CAMSAP3: variants seen among roughly 807,000 people sequenced by gnomAD.
The protein encoded by CAMSAP3 is calmodulin-regulated spectrin-associated protein 3.
A neutral mutation model predicts 112.5 loss-of-function variants in CAMSAP3; 34 were observed. That is an observed-to-expected ratio of 0.30 (90% CI 0.23 to 0.40). CAMSAP3 has a LOEUF of 0.40. CAMSAP3 is among the 10% of genes least tolerant of loss of function. CAMSAP3 has a pLI of 1.00. For synonymous variants in CAMSAP3, 868 were observed against 799.8 expected, an observed-to-expected ratio of 1.09 and a Z score of -1.44; for missense variants, 1,602 against 1,770.3, an observed-to-expected ratio of 0.90 and a Z score of 1.71.
chr19:7,608,656 C>T (rs1389042722), intron 5 of CAMSAP3, among the ~76,000 whole-genome samples: 22 of 133,848 alleles, frequency 1.6e-4, no homozygotes, highest in African/African-American at 4.2e-4. Context: ...TTTTTTGAGA[C>T]GGGAGTCTTG....
Position 7,611,735 on chromosome 19 carries a change from C to T in CAMSAP3, c.1242C>T (p.Asp414=). ...CATTCAGCACCCCCTTTGGCCTGGA[C>T]AGCGACGTGGATGTCGTCATGGGAG... ...AVSFSTPFGL[D]SDVDVVMGDP... is the part of the protein sequence containing the mutation. Residue 414 remains aspartate (D), a synonymous_variant, in exon 11 of 17, where the codon GAC becomes GAT. Coordinates refer to ENST00000160298, the MANE Select transcript of CAMSAP3 (RefSeq NM_020902.2). The surrounding 1 kb of genome is among the most constrained non-coding windows in gnomAD (Gnocchi z 6.9). The T allele has an allele frequency of 6.4e-7, 1 of 1,567,820 alleles. No homozygotes were observed.
chr19:7,598,732 A>G (rs1001013199), intron 1 of CAMSAP3, among the ~76,000 whole-genome samples: 3 of 151,776 alleles, frequency 2.0e-5, no homozygotes, highest in African/African-American at 7.3e-5. Flanking sequence ...GGTTGCAGTG[A>G]GCCGAGATTG....
Position 7,612,342 on chromosome 19 carries a change from C to T in CAMSAP3, c.1849C>T (p.Gln617Ter). Residue 617 changes from glutamine to a stop codon, truncating the protein, a stop_gained, in exon 11 of 17, where the codon CAG becomes TAG. Transcript: ENST00000160298. LOFTEE classifies it high-confidence loss of function. Reference protein sequence around the residue: ...LEEKRRAIEAQKRRIEAIFAK... With the variant: ...LEEKRRAIEA Reference sequence around the variant, plus strand: ...GGAGAAACGCAGAGCCATCGAGGCTCAGAAGCGACGGATTGAGGCCATATT... The same window carrying T: ...GGAGAAACGCAGAGCCATCGAGGCTTAGAAGCGACGGATTGAGGCCATATT... 6.2e-7 allele frequency: 1 copy of T among 1,604,184 alleles called. No individual in the cohort carries two copies. The highest frequency in any genetic ancestry group is 8.5e-7 in the Non-Finnish European group (1 of 1,177,844).
Position 7,618,290 on chromosome 19 carries a change from ATAATT to A in CAMSAP3, c.*237_*241del, listed in dbSNP as rs1292565591. On this transcript the variant is annotated 3_prime_UTR_variant, in exon 17 of 17. Transcript: ENST00000160298. ...TGTCCTCCCCCACTTCTTGAATAAA[ATAATT>A]TAAAGAGAAGTTGAACCTTGTCCCC... The A allele has an allele frequency of 2.0e-5, 11 of 543,782 alleles. No homozygotes were observed. Among genetic ancestry groups the A allele is most frequent in the African/African-American group, 3.8e-5 (2 of 52,988 alleles). The allele number at this position is 543,782 out of a possible 1,614,324, so 33.7% of individuals were successfully genotyped here. A position where few individuals can be genotyped will look rare whatever the true frequency, so the allele number is the denominator to read the frequency against.
At chr19:7,597,293 G>C (rs1346074558) in intron 1 of CAMSAP3, among the ~76,000 whole-genome samples, 1 of 152,084 alleles carries the variant, frequency 6.6e-6, no homozygotes, top group Admixed American at 6.6e-5. Context: ...TTCCATGCAT[G>C]CATTTCCCAC....
intron 5 of CAMSAP3, among the ~76,000 whole-genome samples, chr19:7,609,112 G>A (rs948419719): frequency 6.6e-6 from 1 of 151,420 alleles, no homozygotes; most frequent in African/African-American, 2.4e-5. Flanking sequence ...ACGAGGTCAC[G>A]AGTTCAAGAC....
At position 7,610,872 on chromosome 19, in the gene CAMSAP3, T is replaced by C; in HGVS notation, c.995-5T>C. On this transcript the variant is annotated splice_region_variant and splice_polypyrimidine_tract_variant and intron_variant, in intron 7 of 16. Transcript: ENST00000160298. The surrounding 1 kb of genome is among the most constrained non-coding windows in gnomAD (Gnocchi z 4.9). ...CCCCGCCTGACCCTCTTCTCTGTAC[T>C]GCAGCTGCCTCCCCCCGGGGCACTG... The C allele has an allele frequency of 6.2e-7, 1 of 1,602,440 alleles. No homozygotes were observed. Among genetic ancestry groups the C allele is most frequent in the Non-Finnish European group, 8.5e-7 (1 of 1,175,032 alleles).
chr19:7,615,087 C>T lies in CAMSAP3; in HGVS notation c.2671-96C>T. Reference sequence around the variant, plus strand: ...TTTAGAACAATGATGAAAACAAAAGCACAGGTGGGTGGCGGGCAGGCTGGG... The same window carrying T: ...TTTAGAACAATGATGAAAACAAAAGTACAGGTGGGTGGCGGGCAGGCTGGG... On this transcript the variant is annotated intron_variant, in intron 11 of 16. Transcript: ENST00000160298. This position sits in a 1 kb window ranked among gnomAD's most constrained non-coding sequence, Gnocchi z 6.5. The T allele has an allele frequency of 6.9e-7, 1 of 1,443,260 alleles. No individual in the cohort carries two copies. Among genetic ancestry groups the T allele is most frequent in the Non-Finnish European group, 9.5e-7 (1 of 1,051,368 alleles). 89.4% of individuals were successfully genotyped at this position (1,443,260 alleles called of 1,614,324 possible).
chr19:7,608,350 G>A (rs995374328), intron 5 of CAMSAP3, 86 bp downstream of exon 5: 68 of 1,490,544 alleles, frequency 4.6e-5, no homozygotes, highest in Middle Eastern at 1.8e-4. Context: ...CCCCAGGTCC[G>A]CGAGACCAGC....
chr19:7,611,140 C>G lies in CAMSAP3; in HGVS notation c.1095C>G (p.Gly365=), dbSNP rs751206694. The part of the protein sequence containing the change: ...TFRHPLLSSG[G]PQSPLRGSTG... ...GCCACCCGCTTCTGTCATCTGGTGG[C>G]CCCCAGTCCCCACTCCGAGGATCCA... The change falls in exon 9 of 17, where the codon GGC becomes GGG. Residue 365 remains glycine, a synonymous_variant. Coordinates refer to ENST00000160298, the MANE Select transcript of CAMSAP3 (RefSeq NM_020902.2). The surrounding 1 kb of genome is among the most constrained non-coding windows in gnomAD (Gnocchi z 6.9). 6.2e-7 allele frequency: 1 copy of G among 1,613,634 alleles called. No homozygotes were observed. The highest frequency in any genetic ancestry group is 8.5e-7 in the Non-Finnish European group (1 of 1,179,926).
chr19:7,610,859 C>G lies in CAMSAP3; in HGVS notation c.995-18C>G, dbSNP rs767893352. 3.1e-6 allele frequency: 5 copies of G among 1,608,498 alleles called. No homozygotes were observed. The Admixed American group carries it at 8.4e-5, about 27-fold the overall frequency. On this transcript the variant is annotated intron_variant, in intron 7 of 16. Transcript: ENST00000160298. The surrounding 1 kb of genome is among the most constrained non-coding windows in gnomAD (Gnocchi z 4.9). The stretch of plus-strand genomic sequence containing the variant: ...GGGAGAGCCAAACCCCCGCCTGACC[C>G]TCTTCTCTGTACTGCAGCTGCCTCC...
Position 7,617,681 on chromosome 19 carries a change from G to A in CAMSAP3, c.3444+20G>A. 2 of 1,613,704 alleles carry A rather than the reference G, an allele frequency of 1.2e-6. No individual in the cohort carries two copies. Among genetic ancestry groups the A allele is most frequent in the Non-Finnish European group, 1.7e-6 (2 of 1,179,666 alleles). On this transcript the variant is annotated intron_variant, in intron 16 of 16. Coordinates refer to ENST00000160298, the MANE Select transcript of CAMSAP3 (RefSeq NM_020902.2). This position sits in a 1 kb window ranked among gnomAD's most constrained non-coding sequence, Gnocchi z 7.5. ...CTGGAGGTGAGCCCGCCCACACGTG[G>A]GAGTTGGGGGCTGGTGGGTGGGTGG...
intron 1 of CAMSAP3, among the ~76,000 whole-genome samples, chr19:7,603,324 C>T (rs1053260259): frequency 5.3e-5 from 8 of 151,858 alleles, no homozygotes; most frequent in African/African-American, 1.9e-4. Context: ...AAGCGATTCT[C>T]CGGCCTCGGC....
intron 5 of CAMSAP3, among the ~76,000 whole-genome samples, chr19:7,609,261 T>C: frequency 6.9e-6 from 1 of 144,578 alleles, no homozygotes. Flanking sequence ...GAGGTTGCAG[T>C]GAGTCAAGAC....
At chr19:7,606,154 C>CCCCCCCCCCCCCCAA in intron 2 of CAMSAP3, 117 bp from the exon 3 acceptor site, 5 of 488,850 alleles carry the variant, frequency 1.0e-5, no homozygotes, top group Admixed American at 5.4e-5. Context: ...CCCTCAAGCC[C>CCCCCCCCCCCCCCAA]CACCCCCCCC....
chr19:7,608,370 G>A lies in CAMSAP3; in HGVS notation c.760+106G>A, dbSNP rs543822454. On this transcript the variant is annotated intron_variant, in intron 5 of 16. Coordinates refer to ENST00000160298, the MANE Select transcript of CAMSAP3 (RefSeq NM_020902.2). ...GGTCCGCGAGACCAGCAACGATGCA[G>A]TGGTCATGAGGGCAGCTTCCGGAAC... The A allele has an allele frequency of 1.3e-5, 18 of 1,376,730 alleles. No individual in the cohort carries two copies. The African/African-American group carries it at 2.3e-4, about 18-fold the overall frequency. 85.3% of individuals were successfully genotyped at this position (1,376,730 alleles called of 1,614,324 possible). A position where few individuals can be genotyped will look rare whatever the true frequency, so the allele number is the denominator to read the frequency against.
chr19:7,598,523 A>G (rs1171048459), intron 1 of CAMSAP3, among the ~76,000 whole-genome samples: 1 of 152,178 alleles, frequency 6.6e-6, no homozygotes, highest in African/African-American at 2.4e-5. Flanking sequence ...TCCAAGGCAC[A>G]GGTGTGAGAA....
chr19:7,615,069 CAA>C lies in CAMSAP3; in HGVS notation c.2671-113_2671-112del. On this transcript the variant is annotated intron_variant, in intron 11 of 16. Coordinates refer to ENST00000160298, the MANE Select transcript of CAMSAP3 (RefSeq NM_020902.2). The surrounding 1 kb of genome is among the most constrained non-coding windows in gnomAD (Gnocchi z 6.5). ...AGGCACCAACTAAGTGCATTTAGAA[CAA>C]TGATGAAAACAAAAGCACAGGTGGG... 2 of 1,294,750 alleles carry C rather than the reference CAA, an allele frequency of 1.5e-6. No homozygotes were observed. The highest frequency in any genetic ancestry group is 2.2e-6 in the Non-Finnish European group (2 of 919,026). The allele number at this position is 1,294,750 out of a possible 1,614,324, so 80.2% of individuals were successfully genotyped here. A position where few individuals can be genotyped will look rare whatever the true frequency, so the allele number is the denominator to read the frequency against.
rs755487910 is a variant in CAMSAP3, at chr19:7,611,871, G to A, written c.1378G>A (p.Glu460Lys). 108 of 1,565,216 alleles carry A rather than the reference G, an allele frequency of 6.9e-5. No individual in the cohort carries two copies. The highest frequency in any genetic ancestry group is 8.9e-5 in the Non-Finnish European group (103 of 1,154,542). Residue 460 changes from glutamate (E) to lysine (K), a missense_variant, in exon 11 of 17, where the codon GAG (glutamate) becomes AAG (lysine). Physicochemically the swap from Glu to Lys is moderately conservative, Grantham distance 56. Around this residue, in one of 6 missense-constraint regions of CAMSAP3, gnomAD observed 1,100 missense variants for 1,135.7 expected, o/e 0.97. Transcript: ENST00000160298. The surrounding 1 kb of genome is among the most constrained non-coding windows in gnomAD (Gnocchi z 6.9). ...PPEPGDLPTI[E>K]EALQIIHSAE... ...GGAGCCTGGTGACCTGCCCACCATCGAGGAAGCTCTGCAGATCATCCACAG... is the reference window on the plus strand; with the variant it reads ...GGAGCCTGGTGACCTGCCCACCATCAAGGAAGCTCTGCAGATCATCCACAG...
Sources: allele counts gnomAD v4.1 joint callset (sites outside exome capture counted in the v4.1 genomes callset), GRCh38; gene constraint gnomAD v4.1.1; regional missense constraint gnomAD v4.1.1; non-coding constraint Gnocchi (gnomAD v3.1); transcripts MANE v1.5; gene names NCBI Gene and HGNC (gene_info 2026-07-23, HGNC 2026-07-21).